CCDC158: variants seen among roughly 807,000 people sequenced by gnomAD.
CCDC158 encodes the protein coiled-coil domain-containing protein 158.
A neutral mutation model predicts 138.6 loss-of-function variants in CCDC158; 116 were observed. The ratio of observed to expected loss-of-function variants is 0.84; its 90% CI spans 0.72 to 0.98. The LOEUF is 0.98. CCDC158 is among the 50% of genes least tolerant of loss of function. The probability of loss-of-function intolerance (pLI) is 0.00; values close to 1 mark genes in which losing one functional copy is unlikely to be tolerated. For synonymous variants in CCDC158, 436 were observed against 442.4 expected (o/e 0.99, Z 0.18); for missense variants, 1,265 against 1,306.1 (o/e 0.97, Z 0.48).
At chr4:76,336,540 G>C (rs147420492) in intron 18 of CCDC158, among the ~76,000 whole-genome samples, 7 of 152,226 alleles carry the variant, frequency 4.6e-5, no homozygotes, top group African/African-American at 1.7e-4. Flanking sequence ...TCTGGCCTTT[G>C]CTTGATCACC....
intron 2 of CCDC158, among the ~76,000 whole-genome samples, chr4:76,408,547 T>C (rs1178221417): frequency 6.6e-6 from 1 of 152,232 alleles, no homozygotes; most frequent in Non-Finnish European, 1.5e-5. Context: ...CAGTATTCCA[T>C]GGCGTATATG....
At chr4:76,319,263 C>T (rs1216870579) in intron 24 of CCDC158, among the ~76,000 whole-genome samples, 1 of 147,662 alleles carries the variant, frequency 6.8e-6, no homozygotes, top group East Asian at 2.0e-4. Context: ...CAGAGCAAGA[C>T]TCCATCTTAA....
intron 3 of CCDC158, among the ~76,000 whole-genome samples, chr4:76,400,108 T>A (rs201696703): frequency 6.6e-6 from 1 of 152,102 alleles, no homozygotes; most frequent in African/African-American, 2.4e-5. Context: ...GATTTTCGTA[T>A]GTTTATTGCG....
intron 24 of CCDC158, among the ~76,000 whole-genome samples, chr4:76,318,630 G>C (rs1244108012): frequency 6.6e-6 from 1 of 152,036 alleles, no homozygotes; most frequent in East Asian, 1.9e-4. Context: ...CAAACATAAA[G>C]AAATAGGGAA....
At chr4:76,408,201 T>C (rs1207946080) in intron 2 of CCDC158, among the ~76,000 whole-genome samples, 1 of 151,022 alleles carries the variant, frequency 6.6e-6, no homozygotes, top group African/African-American at 2.4e-5. Flanking sequence ...TATTTTTTTA[T>C]TATACTTTAA....
chr4:76,355,295 G>A, intron 15 of CCDC158, 29 bp downstream of exon 15: 4 of 1,418,156 alleles, frequency 2.8e-6, no homozygotes, highest in Non-Finnish European at 3.0e-6. Flanking sequence ...GAACATGTTG[G>A]TTTCCCCACT....
intron 9 of CCDC158, chr4:76,375,531 A>C (rs1208404569): frequency 1.4e-6 from 1 of 701,308 alleles, no homozygotes; most frequent in Non-Finnish European, 2.6e-6. Context: ...TCACTTTTTT[A>C]ATACAAAATT....
chr4:76,316,469 C>T lies in CCDC158; in HGVS notation c.3278-3223G>A, dbSNP rs181006734. On this transcript the variant is annotated intron_variant, in intron 24 of 24. Coordinates refer to ENST00000682701, the MANE Select transcript of CCDC158 (RefSeq NM_001394954.1). ...CCAAGAAGTCTGGGATTATGTTAAA[C>T]GGCCAAACCAAAGAATAATTGGTGT... 8.3e-3 allele frequency among the ~76,000 whole-genome samples: 1,268 copies of T among 152,106 alleles called. 38 individuals carry two copies. The highest frequency in any genetic ancestry group is 0.056 in the Admixed American group (855 of 15,268).
chr4:76,321,752 TATATATATTTTTTATATATATATAATAA>T (rs941656974), intron 24 of CCDC158, among the ~76,000 whole-genome samples: 18 of 145,658 alleles, frequency 1.2e-4, no homozygotes, highest in South Asian at 2.1e-4. Flanking sequence ...TATATGTAAA[TATATATATTTTTTATATATATATAATAA>T]ATATATATAT....
At chr4:76,362,707 T>G (rs1578976654) in intron 12 of CCDC158, among the ~76,000 whole-genome samples, 1 of 152,240 alleles carries the variant, frequency 6.6e-6, no homozygotes, top group Admixed American at 6.5e-5. Context: ...ATGACTAGGG[T>G]AATGCAAGTG....
intron 4 of CCDC158, among the ~76,000 whole-genome samples, chr4:76,395,244 G>A (rs920709148): frequency 3.9e-5 from 6 of 152,130 alleles, no homozygotes; most frequent in African/African-American, 1.4e-4. Flanking sequence ...TATATGACAA[G>A]CTCCCCTCCC....
rs557454439 is a variant in CCDC158 at position 76,411,669 on chromosome 4, GAAT to G, written c.-74+418_-74+420del. On this transcript the variant is annotated intron_variant, in intron 2 of 24. Transcript: ENST00000682701. ...CAATATGGAAGATGCACAGAACTTA[GAAT>G]CAGGAAACTTAATTCTGTCATTGGT... Among the ~76,000 whole-genome samples the G allele has an allele frequency of 2.6e-3, 396 of 152,296 alleles. 2 individuals are homozygous for G. The highest frequency in any genetic ancestry group is 8.6e-3 in the African/African-American group (357 of 41,558).
rs185774962 is a variant in CCDC158 at position 76,345,412 on chromosome 4, G to A, written c.2664+5584C>T. 1,260 of 945,072 alleles carry A rather than the reference G, an allele frequency of 1.3e-3. 4 individuals are homozygous for A. The highest frequency in any genetic ancestry group is 2.0e-3 in the Non-Finnish European group (1,117 of 570,230). 58.5% of individuals were successfully genotyped at this position (945,072 alleles called of 1,614,324 possible). On this transcript the variant is annotated intron_variant, in intron 18 of 24. Coordinates refer to ENST00000682701, the MANE Select transcript of CCDC158 (RefSeq NM_001394954.1). The stretch of plus-strand genomic sequence containing the variant: ...TTGGCTGAGGCACACCAGCAGGAGT[G>A]CTGCCTGAAATTTGAACAGCTTTCC...
chr4:76,316,900 C>CAAAA (rs77150446), intron 24 of CCDC158, among the ~76,000 whole-genome samples: 388 of 61,466 alleles, frequency 6.3e-3, no homozygotes, highest in East Asian at 8.9e-3. Flanking sequence ...CTTTTGCAGA[C>CAAAA]AAAAAAAAAA....
chr4:76,387,552 C>T (rs55948430), intron 4 of CCDC158, among the ~76,000 whole-genome samples: 46,890 of 151,610 alleles, frequency 0.31, 9,244 homozygotes, highest in Non-Finnish European at 0.44. Flanking sequence ...AGGCTGGGTG[C>T]GGTAGCTCAC....
chr4:76,401,445 T>C (rs1728379924), intron 3 of CCDC158: 1 of 432,904 alleles, frequency 2.3e-6, no homozygotes, highest in Non-Finnish European at 4.5e-6. Flanking sequence ...ACGATCAAGA[T>C]TGTGCTGAGG....
chr4:76,343,941 C>T (rs1001168375), intron 18 of CCDC158, among the ~76,000 whole-genome samples: 12 of 152,232 alleles, frequency 7.9e-5, no homozygotes, highest in African/African-American at 2.4e-4. Flanking sequence ...TGAAAACTGG[C>T]ACAAGAGAAG....
At chr4:76,336,241 T>C (rs960766381) in intron 18 of CCDC158, among the ~76,000 whole-genome samples, 8 of 145,712 alleles carry the variant, frequency 5.5e-5, no homozygotes, top group Non-Finnish European at 9.0e-5. Context: ...TAGAAATTAA[T>C]TATAATCAGT....
chr4:76,322,827 T>G (rs1348672127), intron 24 of CCDC158, among the ~76,000 whole-genome samples: 4 of 152,212 alleles, frequency 2.6e-5, no homozygotes, highest in African/African-American at 9.7e-5. Flanking sequence ...TAGAAGTGGA[T>G]TCTTTTTATT....
Sources: allele counts gnomAD v4.1 joint callset (sites outside exome capture counted in the v4.1 genomes callset), GRCh38; gene constraint gnomAD v4.1.1; transcripts MANE v1.5; gene names NCBI Gene and HGNC (gene_info 2026-07-23, HGNC 2026-07-21).